The following ZNF273 variants were observed in gnomAD, a reference collection of about 807,000 sequenced individuals.
ZNF273 encodes zinc finger protein 9.
Under a neutral mutation model 14.9 loss-of-function variants are expected in ZNF273, and 11 were observed. The observed-to-expected ratio is 0.74, with a 90% confidence interval of 0.46 to 1.22. The LOEUF (loss-of-function observed/expected upper bound fraction) is 1.22, where lower values mean the gene tolerates loss of function less well. ZNF273 is among the 50% of genes most tolerant of loss of function. The pLI, the probability that ZNF273 is intolerant of heterozygous loss-of-function variation, is 0.00. For synonymous variants in ZNF273, 199 were observed against 223.9 expected (o/e 0.89, Z 0.99); for missense variants, 577 against 660.6 (o/e 0.87, Z 1.39).
chr7:64,892,595 T>TA (rs1246000998), downstream of ZNF273, among the ~76,000 whole-genome samples: 1 of 152,108 alleles, frequency 6.6e-6, no homozygotes, highest in African/African-American at 2.4e-5. Flanking sequence ...AGAGTGAGGT[T>TA]AAGAGCAGAA....
Position 64,910,769 on chromosome 7 carries a change from T to A in ZNF273, c.103-6812T>A, listed in dbSNP as rs914347833. On this transcript the variant is annotated intron_variant, in intron 1 of 3. Coordinates refer to ENST00000476120, the MANE Select transcript of ZNF273 (RefSeq NM_021148.3). ...AATAGCATTAAATCTGTAATTTATTTTTTTTTTTTTTTTGAGACGAAGTTT... is the reference window on the plus strand; with the variant it reads ...AATAGCATTAAATCTGTAATTTATTATTTTTTTTTTTTTGAGACGAAGTTT... Among the ~76,000 whole-genome samples, 157 of 151,372 alleles carry A rather than the reference T, an allele frequency of 1.0e-3. 1 individual carries two copies. Among genetic ancestry groups the A allele is most frequent in the African/African-American group, 3.3e-3 (138 of 41,418 alleles).
chr7:64,915,604 G>GGGTGGGCCAGCGGTTTTCCA (rs1562960473), intron 1 of ZNF273, among the ~76,000 whole-genome samples: 1 of 152,058 alleles, frequency 6.6e-6, no homozygotes, highest in Non-Finnish European at 1.5e-5. Context: ...GCGGTTTTCC[G>GGGTGGGCCAGCGGTTTTCCA]CCCTGGGTGG....
chr7:64,896,188 C>T (rs937808267), intron 3 of ZNF273, among the ~76,000 whole-genome samples: 1 of 152,104 alleles, frequency 6.6e-6, no homozygotes, highest in South Asian at 2.1e-4. Flanking sequence ...AATTTTCTAT[C>T]ACTTGATTCA....
rs532727021 is a variant in ZNF273 at position 64,930,254 on chromosome 7, G to A, written c.*1216G>A. 40 of 151,886 alleles carry A rather than the reference G, an allele frequency of 2.6e-4. No homozygotes were observed. The highest frequency in any genetic ancestry group is 9.6e-4 in the African/African-American group (40 of 41,452). 9.4% of individuals were successfully genotyped at this position (151,886 alleles called of 1,614,324 possible). ...GATATGAGATTTTTTTTTTTATTAG[G>A]TGGGCATTATTTATGACCTTTTCTG... On this transcript the variant is annotated 3_prime_UTR_variant, in exon 4 of 4. Transcript: ENST00000476120.
downstream of ZNF273, among the ~76,000 whole-genome samples, chr7:64,933,977 C>T (rs1455141159): frequency 1.3e-5 from 2 of 152,118 alleles, no homozygotes; most frequent in Admixed American, 6.6e-5. Flanking sequence ...CCGTGCTGTA[C>T]AGAAAAATCT....
At chr7:64,927,101 CT>C (rs929337429) in intron 3 of ZNF273, among the ~76,000 whole-genome samples, 5 of 151,846 alleles carry the variant, frequency 3.3e-5, no homozygotes, top group South Asian at 4.2e-4. Context: ...CAATTTACTC[CT>C]TTTTTTTGAG....
intron 1 of ZNF273, among the ~76,000 whole-genome samples, chr7:64,912,087 T>A (rs1793554629): frequency 6.6e-6 from 1 of 152,198 alleles, no homozygotes; most frequent in Non-Finnish European, 1.5e-5. Flanking sequence ...GCCTACCTAG[T>A]AGCTGGGATC....
At chr7:64,910,770 T>TA (rs1793442760) in intron 1 of ZNF273, among the ~76,000 whole-genome samples, 1 of 151,308 alleles carries the variant, frequency 6.6e-6, no homozygotes, top group Non-Finnish European at 1.5e-5. Flanking sequence ...TAATTTATTT[T>TA]TTTTTTTTTT....
At chr7:64,921,348 C>G (rs1006712577) in intron 3 of ZNF273, among the ~76,000 whole-genome samples, 29 of 151,960 alleles carry the variant, frequency 1.9e-4, no homozygotes, top group African/African-American at 6.8e-4. Flanking sequence ...AGGCGTGAGC[C>G]ACCACACCTA....
At chr7:64,926,871 T>C (rs1181589826) in intron 3 of ZNF273, among the ~76,000 whole-genome samples, 1 of 152,236 alleles carries the variant, frequency 6.6e-6, no homozygotes, top group African/African-American at 2.4e-5. Context: ...AATCACTTGC[T>C]ACACCTGTTC....
chr7:64,899,527 T>C (rs923832765), upstream of ZNF273, among the ~76,000 whole-genome samples: 3 of 151,894 alleles, frequency 2.0e-5, no homozygotes, highest in African/African-American at 7.3e-5. Flanking sequence ...TGGTGGTGTA[T>C]ACCTGTAATC....
Position 64,918,117 on chromosome 7 carries a change from A to C in ZNF273, c.230-80A>C. ...TTAATTTACTAGAATACTTAATTAC[A>C]TCCTCTTTACTGAGCACATTACTGG... On this transcript the variant is annotated intron_variant, in intron 2 of 3. Transcript: ENST00000476120. 3 of 1,296,028 alleles carry C rather than the reference A, an allele frequency of 2.3e-6. No homozygotes were observed. In the South Asian group the frequency reaches 4.2e-5, roughly 18 times the overall value. 80.3% of individuals were successfully genotyped at this position (1,296,028 alleles called of 1,614,324 possible).
At chr7:64,933,054 C>A (rs570460639), downstream of ZNF273, among the ~76,000 whole-genome samples, 3 of 152,162 alleles carry the variant, frequency 2.0e-5, no homozygotes, top group Admixed American at 1.3e-4. Flanking sequence ...TCACTGCAAC[C>A]TTCGCCTCCC....
At chr7:64,934,107 C>CTGG (rs1562970515), downstream of ZNF273, among the ~76,000 whole-genome samples, 1 of 152,132 alleles carries the variant, frequency 6.6e-6, no homozygotes, top group East Asian at 1.9e-4. Flanking sequence ...GTTGGCCAGG[C>CTGG]TGGTCTCTAA....
chr7:64,879,733 T>A (rs1485887335), downstream of ZNF273: 1 of 152,234 alleles, frequency 6.6e-6, no homozygotes, highest in Non-Finnish European at 1.5e-5. Flanking sequence ...CACAAGACTG[T>A]ATCTCCAGCC....
At chr7:64,895,852 T>G (rs1406746348) in intron 3 of ZNF273, among the ~76,000 whole-genome samples, 1 of 152,182 alleles carries the variant, frequency 6.6e-6, no homozygotes, top group Non-Finnish European at 1.5e-5. Flanking sequence ...AAGGCATTTT[T>G]ATAACCTTAC....
chr7:64,914,956 C>T (rs1007045645), intron 1 of ZNF273, among the ~76,000 whole-genome samples: 1 of 144,056 alleles, frequency 6.9e-6, no homozygotes, highest in Non-Finnish European at 1.5e-5. Flanking sequence ...AAACATGTCT[C>T]AGATCAAGAG....
downstream of ZNF273, chr7:64,933,675 G>C (rs1267059608): frequency 6.6e-6 from 1 of 152,058 alleles, no homozygotes; most frequent in Admixed American, 6.6e-5. Flanking sequence ...AAGTATTTTT[G>C]ATACTATTCA....
At chr7:64,899,252 A>C (rs537351223), upstream of ZNF273, among the ~76,000 whole-genome samples, 1 of 152,372 alleles carries the variant, frequency 6.6e-6, no homozygotes, top group African/African-American at 2.4e-5. Context: ...ATGCCAAGCC[A>C]TTGAAAAAAA....
Sources: gnomAD v4.1 joint callset for allele counts (sites outside exome capture counted in the v4.1 genomes callset) on GRCh38, gnomAD v4.1.1 for gene constraint, MANE v1.5 for transcripts, NCBI Gene and HGNC (gene_info 2026-07-23, HGNC 2026-07-21) for gene names.